INTS6: variants seen among roughly 807,000 people sequenced by gnomAD.
The protein encoded by INTS6 is integrator complex subunit 6, also known as DEAD box protein.
A neutral mutation model predicts 104.9 loss-of-function variants in INTS6; 16 were observed. The ratio of observed to expected loss-of-function variants is 0.15; its 90% CI spans 0.10 to 0.23. The LOEUF (loss-of-function observed/expected upper bound fraction) is 0.23, where lower values mean the gene tolerates loss of function less well. Ranked by LOEUF, INTS6 falls within the 10% of genes least tolerant of loss-of-function variation. The pLI, the probability that INTS6 is intolerant of heterozygous loss-of-function variation, is 1.00. For missense variants in INTS6, 584 were observed against 1,062.8 expected (o/e 0.55, Z 6.26); for synonymous variants, 324 against 358.7 (o/e 0.90, Z 1.09).
chr13:51,428,515 C>G (rs1957025946), intron 4 of INTS6, among the ~76,000 whole-genome samples: 1 of 151,614 alleles, frequency 6.6e-6, no homozygotes, highest in African/African-American at 2.4e-5. Flanking sequence ...TTGGTAGAGA[C>G]AGGGTTTCAC....
At chr13:51,392,430 A>G (rs1460350529) in intron 5 of INTS6, among the ~76,000 whole-genome samples, 2 of 151,606 alleles carry the variant, frequency 1.3e-5, no homozygotes, top group Non-Finnish European at 2.9e-5. Flanking sequence ...ATTGTAGCCT[A>G]AAGAGCCATT....
intron 4 of INTS6, among the ~76,000 whole-genome samples, chr13:51,410,220 T>C (rs1222238487): frequency 6.6e-6 from 1 of 152,160 alleles, no homozygotes; most frequent in Non-Finnish European, 1.5e-5. Context: ...TTATAAAAAC[T>C]AATAAACCTG....
intron 4 of INTS6, among the ~76,000 whole-genome samples, chr13:51,409,613 G>C (rs1956645689): frequency 6.6e-6 from 1 of 151,380 alleles, no homozygotes; most frequent in South Asian, 2.1e-4. Flanking sequence ...TATTTTTTTT[G>C]TTACAATGCT....
chr13:51,416,638 G>T (rs1956792251), intron 4 of INTS6, among the ~76,000 whole-genome samples: 1 of 152,122 alleles, frequency 6.6e-6, no homozygotes. Flanking sequence ...ATAGACATTT[G>T]TGTTGTTTCC....
In INTS6 at chr13:51,367,906, C is replaced by T. The variant is rs781148687; in HGVS notation, c.2477-8G>A. 1.1e-5 allele frequency: 17 copies of T among 1,485,878 alleles called. No individual in the cohort carries two copies. The highest frequency in any genetic ancestry group is 1.5e-5 in the Non-Finnish European group (17 of 1,103,004). 92.0% of individuals were successfully genotyped at this position (1,485,878 alleles called of 1,614,324 possible). On this transcript the variant is annotated splice_polypyrimidine_tract_variant and splice_region_variant and intron_variant, in intron 16 of 17. Transcript: ENST00000311234. ...TGAAGATTCTTTCATATTCTTAAAGCAAAAGAAACAAAAAGAAAAATTAAG... is the reference window on the plus strand; with the variant it reads ...TGAAGATTCTTTCATATTCTTAAAGTAAAAGAAACAAAAAGAAAAATTAAG...
chr13:51,375,734 G>GTGTGT (rs142921391), intron 13 of INTS6, among the ~76,000 whole-genome samples: 2 of 147,560 alleles, frequency 1.4e-5, no homozygotes, highest in African/African-American at 4.9e-5. Context: ...TTGATAAGTG[G>GTGTGT]GTGTGTGTGT....
At chr13:51,358,401 C>G (rs925042739), downstream of INTS6, among the ~76,000 whole-genome samples, 6 of 152,104 alleles carry the variant, frequency 3.9e-5, no homozygotes, top group African/African-American at 1.2e-4. Flanking sequence ...GACTTTTAAC[C>G]TTTTGAGTAT....
At chr13:51,382,672 C>T (rs1347358514) in intron 9 of INTS6, among the ~76,000 whole-genome samples, 1 of 151,614 alleles carries the variant, frequency 6.6e-6, no homozygotes, top group East Asian at 1.9e-4. Flanking sequence ...GTTAACTATA[C>T]TATGTTTCTA....
the INTS6 span, among the ~76,000 whole-genome samples, chr13:51,344,721 C>T: frequency 5.3e-5 from 8 of 152,146 alleles, no homozygotes; most frequent in East Asian, 1.9e-4. Context: ...CACACACACA[C>T]GAGCCACAAG....
chr13:51,368,550 G>GT (rs1566203854), intron 16 of INTS6, among the ~76,000 whole-genome samples: 1 of 152,098 alleles, frequency 6.6e-6, no homozygotes, highest in Non-Finnish European at 1.5e-5. Context: ...TAATATCACA[G>GT]TTTAACTACT....
At chr13:51,354,915 T>A (rs1476002695) in intron 3 of INTS6, 1 of 625,712 alleles carries the variant, frequency 1.6e-6, no homozygotes, top group East Asian at 2.8e-5. Context: ...CCATGGAAGA[T>A]GAAGCTGGAA....
chr13:51,361,603 T>C lies in INTS6; in HGVS notation c.*4149A>G, dbSNP rs1204948260. ...TACCTTCAATAAGGAATTTATTCCA[T>C]GGAATGTGTTGAAAACAGGAGACAG... On this transcript the variant is annotated 3_prime_UTR_variant, in exon 18 of 18. Coordinates refer to ENST00000311234, the MANE Select transcript of INTS6 (RefSeq NM_012141.3). 6 of 589,544 alleles carry C rather than the reference T, an allele frequency of 1.0e-5. No individual in the cohort carries two copies. The highest frequency in any genetic ancestry group is 1.8e-5 in the Non-Finnish European group (6 of 337,904). 36.5% of individuals were successfully genotyped at this position (589,544 alleles called of 1,614,324 possible).
intron 17 of INTS6, 44 bp from the exon 18 acceptor site, chr13:51,365,889 A>G (rs1168819741): frequency 8.8e-7 from 1 of 1,140,576 alleles, no homozygotes; most frequent in East Asian, 2.6e-5. Flanking sequence ...TTTTTAATGA[A>G]TAGTATATAT....
At chr13:51,414,813 G>T (rs908273120) in intron 4 of INTS6, among the ~76,000 whole-genome samples, 1 of 142,920 alleles carries the variant, frequency 7.0e-6, no homozygotes, top group Non-Finnish European at 1.5e-5. Context: ...TTCTATATAT[G>T]TATGTATGTA....
chr13:51,423,342 G>C (rs1041802112), intron 4 of INTS6, among the ~76,000 whole-genome samples: 1 of 151,734 alleles, frequency 6.6e-6, no homozygotes, highest in Non-Finnish European at 1.5e-5. Flanking sequence ...GTGTGTGTGT[G>C]CATGTGTGTG....
At chr13:51,449,884 G>T (rs1427624061) in intron 3 of INTS6, 8 of 985,304 alleles carry the variant, frequency 8.1e-6, no homozygotes, top group Non-Finnish European at 9.6e-6. Context: ...CTAAACGTTG[G>T]AAGTTCAATT....
chr13:51,440,492 G>C (rs1045611535), intron 3 of INTS6: 1 of 152,124 alleles, frequency 6.6e-6, no homozygotes, highest in African/African-American at 2.4e-5. Flanking sequence ...GTCTACAGCA[G>C]TGTACTGTCC....
Position 51,451,442 on chromosome 13 carries a change from T to G in INTS6, c.190-268A>C, listed in dbSNP as rs922120486. The stretch of plus-strand genomic sequence containing the variant: ...ACTACCTAATCTAATACCCAAAATT[T>G]GGGTATGTGAAGGTACTAGTGGAAG... On this transcript the variant is annotated intron_variant, in intron 2 of 17. Transcript: ENST00000311234. 3 of 220,704 alleles carry G rather than the reference T, an allele frequency of 1.4e-5. 1 individual carries two copies. The highest frequency in any genetic ancestry group is 2.6e-5 in the Non-Finnish European group (3 of 113,534). 13.7% of individuals were successfully genotyped at this position (220,704 alleles called of 1,614,324 possible).
intron 12 of INTS6, among the ~76,000 whole-genome samples, chr13:51,377,097 T>A (rs1955948039): frequency 6.6e-6 from 1 of 152,208 alleles, no homozygotes; most frequent in Non-Finnish European, 1.5e-5. Context: ...TGAAGTAGTA[T>A]CTCGTTATGG....
Sources: allele counts gnomAD v4.1 joint callset (sites outside exome capture counted in the v4.1 genomes callset), GRCh38; gene constraint gnomAD v4.1.1; transcripts MANE v1.5; gene names NCBI Gene and HGNC (gene_info 2026-07-23, HGNC 2026-07-21).